Variants in CCDC178 observed in about 807,000 individuals in gnomAD.
The protein encoded by CCDC178 is coiled-coil domain containing 178, also known as coiled-coil domain-containing protein 178.
A neutral mutation model predicts 117.4 loss-of-function variants in CCDC178; 126 were observed. That is an observed-to-expected ratio of 1.07 (90% CI 0.93 to 1.24). The LOEUF (loss-of-function observed/expected upper bound fraction) is 1.24. Among genes scored for constraint, CCDC178 ranks in the 50% most tolerant of loss-of-function variants. The pLI is 0.00. For synonymous variants in CCDC178, 283 were observed against 313.4 expected, an observed-to-expected ratio of 0.90 and a Z score of 1.02; for missense variants, 1,030 against 986.9, an observed-to-expected ratio of 1.04 and a Z score of -0.59.
intron 21 of CCDC178, among the ~76,000 whole-genome samples, chr18:33,079,254 T>TA (rs1372138281): frequency 6.6e-6 from 1 of 152,138 alleles, no homozygotes; most frequent in Non-Finnish European, 1.5e-5. Flanking sequence ...ACCCCTTCCT[T>TA]ACACCATATA....
chr18:33,292,861 G>A (rs557614401), intron 12 of CCDC178, among the ~76,000 whole-genome samples: 1 of 152,112 alleles, frequency 6.6e-6, no homozygotes, highest in East Asian at 2.0e-4. Flanking sequence ...TCTCCAGACA[G>A]AAGTGCCAGG....
intron 21 of CCDC178, among the ~76,000 whole-genome samples, chr18:33,000,397 GAA>G (rs2055606274): frequency 6.6e-6 from 1 of 152,146 alleles, no homozygotes; most frequent in Non-Finnish European, 1.5e-5. Flanking sequence ...AGGAGGTAGA[GAA>G]AGAGATGGGG....
chr18:33,101,834 A>G (rs1266987998), intron 20 of CCDC178, among the ~76,000 whole-genome samples: 1 of 151,998 alleles, frequency 6.6e-6, no homozygotes, highest in African/African-American at 2.4e-5. Flanking sequence ...AATGATTAAA[A>G]TATGTATATT....
rs202122722 is a variant in CCDC178, at chr18:33,310,283, T to C, written c.1022+13208A>G. ...TGACTGGTTATTCTAAAAGAGATAGTATAGGACAAATCAAAAGGTCCACAC... is the reference window on the plus strand; with the variant it reads ...TGACTGGTTATTCTAAAAGAGATAGCATAGGACAAATCAAAAGGTCCACAC... On this transcript the variant is annotated intron_variant, in intron 11 of 22. Coordinates refer to ENST00000383096, the MANE Select transcript of CCDC178 (RefSeq NM_001105528.4). Among the ~76,000 whole-genome samples the C allele has an allele frequency of 3.9e-5, 6 of 152,238 alleles. No homozygotes were observed. In the East Asian group the frequency reaches 9.6e-4, roughly 24 times the overall value.
chr18:33,440,632 G>C (rs2064374242), intron 1 of CCDC178, 21 bp downstream of exon 1: 1 of 151,408 alleles, frequency 6.6e-6, no homozygotes, highest in Non-Finnish European at 1.5e-5. Flanking sequence ...CCGCGCCGAG[G>C]CACAAGCGCC....
intron 14 of CCDC178, among the ~76,000 whole-genome samples, chr18:33,247,122 G>A: frequency 6.6e-6 from 1 of 151,194 alleles, no homozygotes; most frequent in East Asian, 2.0e-4. Flanking sequence ...GAGTCAGAGA[G>A]ACAGAGACAG....
chr18:33,424,643 C>T (rs1282473440), intron 2 of CCDC178, among the ~76,000 whole-genome samples: 1 of 152,150 alleles, frequency 6.6e-6, no homozygotes, highest in Non-Finnish European at 1.5e-5. Context: ...CATACAGACA[C>T]AGGGGAGCCA....
intron 19 of CCDC178, among the ~76,000 whole-genome samples, chr18:33,214,911 G>T (rs78008841): frequency 0.026 from 3,975 of 151,906 alleles, 57 homozygotes; most frequent in Middle Eastern, 0.048. Flanking sequence ...TGTGGCCAGT[G>T]CATGTTCCTC....
intron 3 of CCDC178, among the ~76,000 whole-genome samples, chr18:33,403,460 C>A (rs2063737036): frequency 6.6e-6 from 1 of 151,348 alleles, no homozygotes; most frequent in South Asian, 2.1e-4. Context: ...ATTTTAAATG[C>A]CCAGTTTTCA....
In CCDC178 at chr18:33,163,841, G is replaced by A. The variant is rs533769691; in HGVS notation, c.2238+48055C>T. Among the ~76,000 whole-genome samples, 3 of 152,198 alleles carry A rather than the reference G, an allele frequency of 2.0e-5. No homozygotes were observed. The East Asian group carries it at 5.8e-4, about 29-fold the overall frequency. The stretch of plus-strand genomic sequence containing the variant: ...ATACTATTTAAAAGAGTGTTACTGT[G>A]CAGCAATAATTTTTCCAATCATATT... On this transcript the variant is annotated intron_variant, in intron 20 of 22. Transcript: ENST00000383096.
intron 2 of CCDC178, among the ~76,000 whole-genome samples, chr18:33,421,538 G>A (rs1413956252): frequency 6.6e-6 from 1 of 152,182 alleles, no homozygotes; most frequent in African/African-American, 2.4e-5. Context: ...ATCAGCAAAT[G>A]CTACAAATCA....
intron 12 of CCDC178, among the ~76,000 whole-genome samples, chr18:33,269,990 T>C (rs2059867686): frequency 6.6e-6 from 1 of 151,726 alleles, no homozygotes; most frequent in South Asian, 2.1e-4. Flanking sequence ...AACAAAGCAT[T>C]AAAATAATGT....
intron 15 of CCDC178, among the ~76,000 whole-genome samples, chr18:33,233,605 CA>C (rs540733666): frequency 1.3e-4 from 19 of 151,602 alleles, no homozygotes; most frequent in Non-Finnish European, 2.2e-4. Context: ...TCCTGAACAA[CA>C]AAGGTAGCCT....
At chr18:33,403,614 T>A (rs141597936) in intron 3 of CCDC178, among the ~76,000 whole-genome samples, 5 of 152,270 alleles carry the variant, frequency 3.3e-5, no homozygotes, top group African/African-American at 1.2e-4. Flanking sequence ...CAGCATTCGG[T>A]TTCTCTTAAA....
At chr18:33,407,345 G>T (rs1366759949) in intron 3 of CCDC178, among the ~76,000 whole-genome samples, 1 of 152,010 alleles carries the variant, frequency 6.6e-6, no homozygotes, top group South Asian at 2.1e-4. Context: ...AAAAAAGCCT[G>T]AAAATTAGCG....
At chr18:33,307,161 T>C (rs1368609097) in intron 11 of CCDC178, among the ~76,000 whole-genome samples, 1 of 152,182 alleles carries the variant, frequency 6.6e-6, no homozygotes, top group Non-Finnish European at 1.5e-5. Context: ...GAAATGACTT[T>C]GGAACTGGCT....
intron 21 of CCDC178, among the ~76,000 whole-genome samples, chr18:33,005,455 A>C (rs916890810): frequency 3.3e-5 from 5 of 152,026 alleles, no homozygotes; most frequent in African/African-American, 1.2e-4. Context: ...ATGGTTACCA[A>C]AGGCTAGGAA....
intron 22 of CCDC178, among the ~76,000 whole-genome samples, chr18:32,964,702 A>G (rs554365191): frequency 1.3e-5 from 2 of 152,074 alleles, no homozygotes; most frequent in Admixed American, 6.6e-5. Context: ...AAACCAAGTC[A>G]GCAACCAACT....
intron 20 of CCDC178, among the ~76,000 whole-genome samples, chr18:33,139,320 A>G (rs879671254): frequency 6.6e-6 from 1 of 152,194 alleles, no homozygotes; most frequent in Non-Finnish European, 1.5e-5. Flanking sequence ...AAGATACCCA[A>G]AATGTGGCAG....
Sources: gnomAD v4.1 joint callset for allele counts (sites outside exome capture counted in the v4.1 genomes callset) on GRCh38, gnomAD v4.1.1 for gene constraint, MANE v1.5 for transcripts, NCBI Gene and HGNC (gene_info 2026-07-23, HGNC 2026-07-21) for gene names.